ACOXL: variants seen among roughly 807,000 people sequenced by gnomAD.
ACOXL encodes the protein acyl-CoA oxidase like.
A neutral mutation model predicts 71.9 loss-of-function variants in ACOXL; 70 were observed. The ratio of observed to expected loss-of-function variants is 0.97; its 90% confidence interval spans 0.80 to 1.19. The LOEUF is 1.19. Among genes scored for constraint, ACOXL ranks in the 50% most tolerant of loss-of-function variants. The probability of loss-of-function intolerance (pLI) is 0.00; values close to 1 mark genes in which losing one functional copy is unlikely to be tolerated. For missense variants in ACOXL, 703 were observed against 736.3 expected, an observed-to-expected ratio of 0.95 and a Z score of 0.52; for synonymous variants, 253 against 281.6, an observed-to-expected ratio of 0.90 and a Z score of 1.02.
chr2:110,945,778 A>G (rs2061081080), intron 12 of ACOXL, among the ~76,000 whole-genome samples: 1 of 151,712 alleles, frequency 6.6e-6, no homozygotes. Context: ...AAATAATGTG[A>G]TGCCTTCAGC....
chr2:110,979,027 A>C (rs2062584329), intron 12 of ACOXL, among the ~76,000 whole-genome samples: 1 of 152,068 alleles, frequency 6.6e-6, no homozygotes, highest in South Asian at 2.1e-4. Context: ...AATGAGGGCG[A>C]TTCCGGGGGT....
chr2:110,875,323 T>G (rs540919783), intron 10 of ACOXL, among the ~76,000 whole-genome samples: 30 of 152,338 alleles, frequency 2.0e-4, no homozygotes, highest in Admixed American at 7.2e-4. Context: ...CACCACACAC[T>G]TCTGCTTTCT....
chr2:110,903,861 G>A (rs2059339702), intron 10 of ACOXL, among the ~76,000 whole-genome samples: 1 of 152,244 alleles, frequency 6.6e-6, no homozygotes, highest in African/African-American at 2.4e-5. Context: ...GGTGACCACA[G>A]CATGGCAGGG....
intron 17 of ACOXL, 105 bp from the exon 18 acceptor site, chr2:111,117,511 C>T (rs1182162953): frequency 8.2e-7 from 1 of 1,215,854 alleles, no homozygotes. Flanking sequence ...AACTAGTTTC[C>T]GGGGCCGCTG....
intron 14 of ACOXL, among the ~76,000 whole-genome samples, chr2:111,017,429 G>A (rs1013227250): frequency 5.9e-5 from 9 of 152,252 alleles, no homozygotes; most frequent in African/African-American, 2.2e-4. Context: ...CGCAAGCTCA[G>A]CAGTGGCAGC....
chr2:110,945,890 A>G (rs907267887), intron 12 of ACOXL, among the ~76,000 whole-genome samples: 6 of 151,746 alleles, frequency 4.0e-5, no homozygotes, highest in Admixed American at 6.6e-5. Context: ...GAAGAATGTC[A>G]TTGGTAGTTT....
At chr2:110,972,241 C>G (rs898685371) in intron 12 of ACOXL, among the ~76,000 whole-genome samples, 2 of 152,172 alleles carry the variant, frequency 1.3e-5, no homozygotes, top group Admixed American at 1.3e-4. Context: ...GCAGGGCACC[C>G]TGTGCACTAA....
At position 110,768,473 on chromosome 2, in the gene ACOXL, CATT is replaced by C. The variant is rs372220949; in HGVS notation, c.75+16_75+18del. ...GTGCAGGTCAGGATCTGGTAAGTGT[CATT>C]ATTATTCTGGTATGGTTGTGTGTGT... is the stretch of plus-strand genomic sequence containing the variant. On this transcript the variant is annotated intron_variant, in intron 2 of 17. Coordinates refer to ENST00000439055, the MANE Select transcript of ACOXL (RefSeq NM_001142807.4). 23 of 1,598,258 alleles carry C rather than the reference CATT, an allele frequency of 1.4e-5. No individual in the cohort carries two copies. In the African/African-American group the frequency reaches 1.6e-4, roughly 11 times the overall value.
chr2:110,861,974 G>C (rs1040409782), intron 10 of ACOXL, among the ~76,000 whole-genome samples: 2 of 152,194 alleles, frequency 1.3e-5, no homozygotes, highest in Admixed American at 1.3e-4. Flanking sequence ...AGCATAAAAG[G>C]CACCTCCACG....
At chr2:110,843,077 G>A (rs1323446236) in intron 10 of ACOXL, among the ~76,000 whole-genome samples, 1 of 152,140 alleles carries the variant, frequency 6.6e-6, no homozygotes, top group African/African-American at 2.4e-5. Flanking sequence ...GGTGGGGTGC[G>A]GTGGGTATGG....
chr2:110,761,269 T>TC, intron 1 of ACOXL, among the ~76,000 whole-genome samples: 1 of 152,350 alleles, frequency 6.6e-6, no homozygotes, highest in African/African-American at 2.4e-5. Context: ...CCTAGCTTCT[T>TC]TAGTCAGCTG....
intron 11 of ACOXL, 94 bp from the exon 12 acceptor site, chr2:110,933,395 C>A: frequency 7.1e-7 from 1 of 1,406,664 alleles, no homozygotes; most frequent in African/African-American, 1.4e-5. Context: ...ATTCTTTCCT[C>A]AAATAGCGTT....
At chr2:110,847,677 C>G (rs1266613458) in intron 10 of ACOXL, among the ~76,000 whole-genome samples, 3 of 152,194 alleles carry the variant, frequency 2.0e-5, no homozygotes, top group Admixed American at 2.0e-4. Context: ...GCATCCTGTT[C>G]AGGCCTGTGC....
chr2:110,993,466 A>C (rs1461527456), intron 13 of ACOXL, among the ~76,000 whole-genome samples: 6 of 152,178 alleles, frequency 3.9e-5, no homozygotes, highest in African/African-American at 1.4e-4. Flanking sequence ...TGTGTGTATT[A>C]GTTTGTTTCT....
At chr2:110,974,678 G>A (rs1330873059) in intron 12 of ACOXL, among the ~76,000 whole-genome samples, 1 of 152,204 alleles carries the variant, frequency 6.6e-6, no homozygotes, top group Non-Finnish European at 1.5e-5. Context: ...TAAAGACCAG[G>A]AAGGGGTGTC....
At chr2:111,094,226 A>G (rs1268295604) in intron 17 of ACOXL, 1 of 152,218 alleles carries the variant, frequency 6.6e-6, no homozygotes, top group African/African-American at 2.4e-5. Context: ...ACCTTGAAGA[A>G]CATTTTTCCT....
intron 10 of ACOXL, among the ~76,000 whole-genome samples, chr2:110,886,354 C>G (rs1202317656): frequency 2.7e-5 from 4 of 149,966 alleles, no homozygotes; most frequent in Non-Finnish European, 5.9e-5. Flanking sequence ...GGCTTGGACT[C>G]TGGACTTTAC....
At chr2:110,938,657 T>C (rs574562925) in intron 12 of ACOXL, among the ~76,000 whole-genome samples, 1 of 152,282 alleles carries the variant, frequency 6.6e-6, no homozygotes, top group African/African-American at 2.4e-5. Flanking sequence ...GATGGACAGA[T>C]AGACTGATGT....
chr2:110,804,028 C>T (rs1435592113), intron 8 of ACOXL, among the ~76,000 whole-genome samples: 1 of 149,486 alleles, frequency 6.7e-6, no homozygotes, highest in East Asian at 2.0e-4. Context: ...GCTGTGTCGC[C>T]CAGGCTGAAG....
Sources: allele counts gnomAD v4.1 joint callset (sites outside exome capture counted in the v4.1 genomes callset), GRCh38; gene constraint gnomAD v4.1.1; transcripts MANE v1.5; gene names NCBI Gene and HGNC (gene_info 2026-07-23, HGNC 2026-07-21).